SASH1: variants seen among roughly 807,000 people sequenced by gnomAD.
SASH1 encodes the protein SAM and SH3 domain-containing protein 1.
Under a neutral mutation model 125.2 loss-of-function variants are expected in SASH1, and 44 were observed. The observed-to-expected ratio is 0.35, with a 90% CI of 0.28 to 0.45. SASH1 has a LOEUF of 0.45. Among genes scored for constraint, SASH1 ranks in the 20% least tolerant of loss-of-function variants. SASH1 has a pLI of 1.00. For synonymous variants in SASH1, 639 were observed against 649.1 expected (o/e 0.98, Z 0.24); for missense variants, 1,426 against 1,614.5 (o/e 0.88, Z 2.00).
chr6:148,528,325 T>C (rs1765869576), intron 12 of SASH1, among the ~76,000 whole-genome samples: 1 of 152,198 alleles, frequency 6.6e-6, no homozygotes, highest in Non-Finnish European at 1.5e-5. Flanking sequence ...AGCACCTGTA[T>C]AGCACTCATT....
the SASH1 span, among the ~76,000 whole-genome samples, chr6:148,199,375 G>GAAAA: frequency 1.6e-5 from 2 of 123,618 alleles, no homozygotes; most frequent in Admixed American, 8.5e-5. Flanking sequence ...TCCGTCTCAA[G>GAAAA]AAAAAAAAAA....
intron 11 of SASH1, 163 bp from the exon 12 acceptor site, chr6:148,527,290 T>G (rs1358568982): frequency 3.4e-6 from 2 of 582,308 alleles, no homozygotes; most frequent in African/African-American, 3.9e-5. Flanking sequence ...GCTTTAATTT[T>G]TAATCAAAGA....
chr6:148,447,698 C>G (rs1248950667), intron 4 of SASH1, among the ~76,000 whole-genome samples: 1 of 151,242 alleles, frequency 6.6e-6, no homozygotes, highest in Non-Finnish European at 1.5e-5. Flanking sequence ...TTCCTCTTCT[C>G]CTCTTCCTCC....
chr6:148,457,060 CAAA>C (rs111593911), intron 4 of SASH1, among the ~76,000 whole-genome samples: 2 of 105,544 alleles, frequency 1.9e-5, no homozygotes, highest in Non-Finnish European at 2.0e-5. Flanking sequence ...TTCCTTAAGA[CAAA>C]AAAAAAAAAA....
In SASH1 at chr6:148,390,764, G is replaced by T. The variant is rs187233009; in HGVS notation, c.285+502G>T. On this transcript the variant is annotated intron_variant, in intron 2 of 19. Transcript: ENST00000367467. ...GATCACGCCACTGCACTCCAGCCTGGGCGACAGAGCAAGACTCCGTCTCAA... is the reference window on the plus strand; with the variant it reads ...GATCACGCCACTGCACTCCAGCCTGTGCGACAGAGCAAGACTCCGTCTCAA... Among the ~76,000 whole-genome samples, 519 of 151,378 alleles carry T rather than the reference G, an allele frequency of 3.4e-3. 6 individuals carry two copies. Among genetic ancestry groups the T allele is most frequent in the African/African-American group, 0.012 (500 of 41,082 alleles).
At chr6:148,508,018 CT>C (rs1290516097) in intron 8 of SASH1, among the ~76,000 whole-genome samples, 8 of 152,282 alleles carry the variant, frequency 5.3e-5, no homozygotes, top group Non-Finnish European at 1.0e-4. Context: ...CCCTGAGGTC[CT>C]TGAGAAAATT....
At chr6:148,269,813 T>G (rs571160336), upstream of SASH1, among the ~76,000 whole-genome samples, 10 of 152,302 alleles carry the variant, frequency 6.6e-5, no homozygotes, top group South Asian at 1.7e-3. Flanking sequence ...TTTTAAAGAT[T>G]GTTCCTGTAT....
At chr6:148,456,914 AG>A (rs1228815018) in intron 4 of SASH1, among the ~76,000 whole-genome samples, 2 of 139,892 alleles carry the variant, frequency 1.4e-5, no homozygotes, top group Non-Finnish European at 3.1e-5. Flanking sequence ...ATGTAAACAA[AG>A]GTACTTTCTT....
rs1780675155 is a variant in SASH1, at chr6:148,519,614, G to A, written c.930G>A (p.Val310=). ...LDERSALYSG[V]HKKPLFFDGS... ...AACGGTCCGCCCTCTACTCTGGCGT[G>A]CACAAGAAGCCCCTTTTCTTTGATG... Residue 310 remains valine, a synonymous_variant, in exon 10 of 20, where the codon GTG becomes GTA. Transcript: ENST00000367467. The surrounding 1 kb of genome is among the most constrained non-coding windows in gnomAD (Gnocchi z 4.8). 2.5e-6 allele frequency: 4 copies of A among 1,614,048 alleles called. No homozygotes were observed. The highest frequency in any genetic ancestry group is 1.7e-5 in the Admixed American group (1 of 60,008).
chr6:148,324,321 G>T (rs899374008), intron 1 of SASH1, among the ~76,000 whole-genome samples: 7 of 152,168 alleles, frequency 4.6e-5, no homozygotes, highest in African/African-American at 1.7e-4. Context: ...TGTGGACATG[G>T]TTATTCCAAA....
intron 16 of SASH1, among the ~76,000 whole-genome samples, chr6:148,538,352 A>G (rs1269839163): frequency 6.6e-6 from 1 of 151,106 alleles, no homozygotes; most frequent in Non-Finnish European, 1.5e-5. Flanking sequence ...GAGTACACCG[A>G]CTCCTCTCCC....
At chr6:148,215,408 G>C in the SASH1 span, among the ~76,000 whole-genome samples, 1 of 152,120 alleles carries the variant, frequency 6.6e-6, no homozygotes. Flanking sequence ...AGTCATTCTA[G>C]AAAAGGAAAG....
At chr6:148,381,079 T>C (rs1177474394) in intron 1 of SASH1, among the ~76,000 whole-genome samples, 1 of 152,172 alleles carries the variant, frequency 6.6e-6, no homozygotes, top group Non-Finnish European at 1.5e-5. Flanking sequence ...AGTTTCTTCA[T>C]CATACGTGAA....
chr6:148,468,513 C>A, intron 4 of SASH1, 32 bp from the exon 5 acceptor site: 1 of 1,577,414 alleles, frequency 6.3e-7, no homozygotes, highest in Non-Finnish European at 8.7e-7. Flanking sequence ...AAGCAAGGCT[C>A]TCTGGTAATC....
rs550599492 is a variant in SASH1 at position 148,542,343 on chromosome 6, AT to A, written c.2210-1327del. On this transcript the variant is annotated intron_variant, in intron 17 of 19. Coordinates refer to ENST00000367467, the MANE Select transcript of SASH1 (RefSeq NM_015278.5). Reference sequence around the variant, plus strand: ...CAACCCACTTTTAAAATCTGATGCAATTTTTTTTTTCTGAAGAGGTATTTCT... The same window carrying A: ...CAACCCACTTTTAAAATCTGATGCAATTTTTTTTTCTGAAGAGGTATTTCT... 3.3e-5 allele frequency among the ~76,000 whole-genome samples: 5 copies of A among 150,294 alleles called. No homozygotes were observed. The South Asian group carries it at 6.3e-4, about 19-fold the overall frequency.
chr6:148,389,240 A>G (rs1440040961), intron 1 of SASH1, among the ~76,000 whole-genome samples: 1 of 152,210 alleles, frequency 6.6e-6, no homozygotes, highest in East Asian at 1.9e-4. Flanking sequence ...AGTAGTCCTC[A>G]CTGAAGTAGG....
chr6:148,304,148 C>G (rs926016312), intron 1 of SASH1, among the ~76,000 whole-genome samples: 1 of 151,804 alleles, frequency 6.6e-6, no homozygotes, highest in Non-Finnish European at 1.5e-5. Context: ...GCTAAAAATA[C>G]AAAAAAATGG....
chr6:148,275,463 C>T (rs1400241994), intron 1 of SASH1, among the ~76,000 whole-genome samples: 13 of 152,116 alleles, frequency 8.5e-5, no homozygotes, highest in African/African-American at 2.7e-4. Flanking sequence ...GGCAAACTCT[C>T]GATCAGCTCA....
chr6:148,233,091 G>A, the SASH1 span, among the ~76,000 whole-genome samples: 1 of 151,920 alleles, frequency 6.6e-6, no homozygotes, highest in Non-Finnish European at 1.5e-5. Context: ...GTACATGCCT[G>A]TAGTCCCAGA....
Sources: gnomAD v4.1 joint callset for allele counts (sites outside exome capture counted in the v4.1 genomes callset) on GRCh38, gnomAD v4.1.1 for gene constraint, Gnocchi (gnomAD v3.1) non-coding constraint, MANE v1.5 for transcripts, NCBI Gene and HGNC (gene_info 2026-07-23, HGNC 2026-07-21) for gene names.